Variants in NDC1 observed in about 807,000 individuals in gnomAD.
NDC1 encodes NDC1 transmembrane nucleoporin.
In NDC1, 24 loss-of-function variants were observed where a neutral mutation model predicts 89.8. That is an observed-to-expected ratio of 0.27 (90% CI 0.19 to 0.38). NDC1 has a LOEUF of 0.38. Ranked by LOEUF, NDC1 falls within the 10% of genes least tolerant of loss-of-function variation. NDC1 has a pLI of 1.00. For synonymous variants in NDC1, 296 were observed against 284.8 expected (o/e 1.04, Z -0.39); for missense variants, 728 against 797.6 (o/e 0.91, Z 1.05).
chr1:53,768,035 T>C lies in NDC1; in HGVS notation c.1962-2A>G, dbSNP rs763676532. 1.2e-5 allele frequency: 19 copies of C among 1,594,596 alleles called. No homozygotes were observed. The highest frequency in any genetic ancestry group is 1.5e-5 in the Non-Finnish European group (18 of 1,169,980). On this transcript the variant is annotated splice_acceptor_variant, in intron 17 of 17. Transcript: ENST00000371429. LOFTEE classifies it high-confidence loss of function. ...TGTTCTGCAGATGCTTGCACAGCACTAAATGAAACATAAATTCAAAGCATA... is the reference window on the plus strand; with the variant it reads ...TGTTCTGCAGATGCTTGCACAGCACCAAATGAAACATAAATTCAAAGCATA...
rs777585026 is a variant in NDC1 at position 53,796,782 on chromosome 1, A to C, written c.1491T>G (p.Ser497=). 2 of 1,610,488 alleles carry C rather than the reference A, an allele frequency of 1.2e-6. No individual in the cohort carries two copies. Among genetic ancestry groups the C allele is most frequent in the Admixed American group, 3.4e-5 (2 of 58,792 alleles). Residue 497 remains serine, a synonymous_variant, in exon 13 of 18, where the codon TCT becomes TCG. Coordinates refer to ENST00000371429, the MANE Select transcript of NDC1 (RefSeq NM_018087.5). ...SASDQQMTEF[S]NPSPSTSISA... ...TAATAGAGGTAGATGGAGAAGGATT[A>C]GAAAATTCAGTCATTTGCTGATCTA...
Position 53,767,853 on chromosome 1 carries a change from C to A in NDC1, c.*117G>T. 1 of 498,546 alleles carries A rather than the reference C, an allele frequency of 2.0e-6. No individual in the cohort carries two copies. Among genetic ancestry groups the A allele is most frequent in the Non-Finnish European group, 3.5e-6 (1 of 288,268 alleles). The allele number at this position is 498,546 out of a possible 1,614,324, so 30.9% of individuals were successfully genotyped here. On this transcript the variant is annotated 3_prime_UTR_variant, in exon 18 of 18. Transcript: ENST00000371429. Reference sequence around the variant, plus strand: ...TAAAGTATAGTTTTCAAAGCAACCACCACGACAAAGGAAGCATCTAATTAG... The same window carrying A: ...TAAAGTATAGTTTTCAAAGCAACCAACACGACAAAGGAAGCATCTAATTAG...
At chr1:53,827,651 C>T (rs894560286) in intron 4 of NDC1, among the ~76,000 whole-genome samples, 2 of 152,198 alleles carry the variant, frequency 1.3e-5, no homozygotes, top group East Asian at 3.8e-4. Context: ...ATGTGTGGAT[C>T]CCTCTTGTTT....
At chr1:53,800,941 T>C (rs576946044) in intron 10 of NDC1, 93 bp from the exon 11 acceptor site, 283 of 1,273,322 alleles carry the variant, frequency 2.2e-4, no homozygotes, top group Admixed American at 2.8e-4. Context: ...TTCTACATTA[T>C]GCTTGGCATC....
chr1:53,837,766 C>G (rs961617821), intron 1 of NDC1, among the ~76,000 whole-genome samples: 30 of 152,180 alleles, frequency 2.0e-4, no homozygotes, highest in African/African-American at 7.0e-4. Flanking sequence ...TCAGCTCAGT[C>G]CCATTCTACC....
Position 53,807,803 on chromosome 1 carries a change from G to T in NDC1, c.756-12C>A, listed in dbSNP as rs113753447. The T allele has an allele frequency of 4.3e-3, 6,754 of 1,588,580 alleles. 280 individuals carry two copies. In the African/African-American group the frequency reaches 0.081, roughly 19 times the overall value. On this transcript the variant is annotated splice_polypyrimidine_tract_variant and intron_variant, in intron 7 of 17. Transcript: ENST00000371429. ...GCCTATGAACCTGCCTGTGAATGCA[G>T]AAATTACTATTAATCCTCTAGGAAA...
chr1:53,774,565 ACAAGGTAATGTAAAATAACACC>A (rs943727325), intron 16 of NDC1, among the ~76,000 whole-genome samples: 7 of 152,104 alleles, frequency 4.6e-5, no homozygotes, highest in African/African-American at 1.7e-4. Flanking sequence ...TTTACAGATG[ACAAGGTAATGTAAAATAACACC>A]ATAAAACTTT....
intron 6 of NDC1, among the ~76,000 whole-genome samples, chr1:53,811,242 G>C (rs1016928083): frequency 1.3e-5 from 2 of 152,220 alleles, no homozygotes; most frequent in African/African-American, 2.4e-5. Flanking sequence ...GCTGAACTTT[G>C]TAACAATTTA....
At chr1:53,808,521 G>A (rs1460120361) in intron 7 of NDC1, among the ~76,000 whole-genome samples, 1 of 152,150 alleles carries the variant, frequency 6.6e-6, no homozygotes, top group Non-Finnish European at 1.5e-5. Context: ...CATTAGGAGT[G>A]CCCAGCACAG....
chr1:53,801,769 G>A (rs550169111), intron 10 of NDC1, among the ~76,000 whole-genome samples: 1 of 152,240 alleles, frequency 6.6e-6, no homozygotes, highest in African/African-American at 2.4e-5. Context: ...ATTTTTGTTT[G>A]TTTTTGTGAT....
intron 17 of NDC1, among the ~76,000 whole-genome samples, chr1:53,770,608 A>C (rs558576524): frequency 6.6e-6 from 1 of 151,910 alleles, no homozygotes; most frequent in South Asian, 2.1e-4. Context: ...CAACCGGCCC[A>C]TTCTCATAAT....
chr1:53,825,453 C>CAAAAAAAAAAAAAAAA lies in NDC1; in HGVS notation c.594+344_594+345insTTTTTTTTTTTTTTTT, dbSNP rs369960654. ...CTGGGCAAAGAAGCGAGACTGTCTCCAAAAAAAAAGAAGCTACACAGAGTA... is the reference window on the plus strand; with the variant it reads ...CTGGGCAAAGAAGCGAGACTGTCTCCAAAAAAAAAAAAAAAAAAAAAAAAAGAAGCTACACAGAGTA... On this transcript the variant is annotated intron_variant, in intron 5 of 17. Transcript: ENST00000371429. 9.0e-4 allele frequency among the ~76,000 whole-genome samples: 113 copies of CAAAAAAAAAAAAAAAA among 125,784 alleles called. 3 individuals carry two copies. The highest frequency in any genetic ancestry group is 3.3e-3 in the African/African-American group (97 of 29,130). The allele number at this position is 125,784 out of a possible 152,430, so 82.5% of individuals were successfully genotyped here. A position where few individuals can be genotyped will look rare whatever the true frequency, so the allele number is the denominator to read the frequency against.
At chr1:53,826,466 G>C (rs1003988658) in intron 4 of NDC1, among the ~76,000 whole-genome samples, 3 of 152,128 alleles carry the variant, frequency 2.0e-5, no homozygotes, top group Non-Finnish European at 2.9e-5. Context: ...CAAGACTGCA[G>C]CTCCCAGGTG....
At chr1:53,816,657 A>C (rs1648491423) in intron 6 of NDC1, among the ~76,000 whole-genome samples, 1 of 152,036 alleles carries the variant, frequency 6.6e-6, no homozygotes, top group South Asian at 2.1e-4. Context: ...AAAAAAAAAA[A>C]AACAGCAAAG....
intron 5 of NDC1, among the ~76,000 whole-genome samples, chr1:53,820,212 A>C (rs12080473): frequency 6.6e-6 from 1 of 151,958 alleles, no homozygotes; most frequent in African/African-American, 2.4e-5. Context: ...CCAAGACTGC[A>C]CCACTGCACT....
At chr1:53,778,005 T>C (rs1333055048) in intron 16 of NDC1, among the ~76,000 whole-genome samples, 1 of 152,044 alleles carries the variant, frequency 6.6e-6, no homozygotes, top group Non-Finnish European at 1.5e-5. Flanking sequence ...GGAGAATCTT[T>C]TTTTTTTTAA....
At position 53,828,182 on chromosome 1, in the gene NDC1, G is replaced by A; in HGVS notation, c.281-9C>T. ...AGGAATAGAAGGCACAACTGCAAAG[G>A]AAACACATTACTGTGGCTTTATAAC... On this transcript the variant is annotated splice_polypyrimidine_tract_variant and intron_variant, in intron 3 of 17. Transcript: ENST00000371429. 1.2e-6 allele frequency: 2 copies of A among 1,613,014 alleles called. No homozygotes were observed. The highest frequency in any genetic ancestry group is 1.1e-5 in the South Asian group (1 of 90,944).
chr1:53,806,060 C>T (rs534144148), intron 9 of NDC1, among the ~76,000 whole-genome samples: 36 of 151,246 alleles, frequency 2.4e-4, no homozygotes, highest in African/African-American at 7.3e-4. Flanking sequence ...GGCGACAGAG[C>T]GAGACTCCGT....
chr1:53,822,361 T>G (rs1185777347), intron 5 of NDC1, among the ~76,000 whole-genome samples: 2 of 152,106 alleles, frequency 1.3e-5, no homozygotes, highest in Admixed American at 6.6e-5. Context: ...TTTTCATAAT[T>G]ACATGAAAAA....
Sources: gnomAD v4.1 joint callset for allele counts (sites outside exome capture counted in the v4.1 genomes callset) on GRCh38, gnomAD v4.1.1 for gene constraint, MANE v1.5 for transcripts, NCBI Gene and HGNC (gene_info 2026-07-23, HGNC 2026-07-21) for gene names.